Variants in AGBL1 observed in about 807,000 individuals in gnomAD.
The protein encoded by AGBL1 is cytosolic carboxypeptidase 4.
A neutral mutation model predicts 118.9 loss-of-function variants in AGBL1; 130 were observed. The ratio of observed to expected loss-of-function variants is 1.09; its 90% CI spans 0.95 to 1.26. AGBL1 has a LOEUF of 1.26. AGBL1 is among the 50% of genes most tolerant of loss of function. The pLI is 0.00. For synonymous variants in AGBL1, 555 were observed against 478.9 expected (o/e 1.16, Z -2.08); for missense variants, 1,584 against 1,298.1 (o/e 1.22, Z -3.38).
At chr15:86,482,339 T>C (rs11636761) in intron 18 of AGBL1, among the ~76,000 whole-genome samples, 70,610 of 152,046 alleles carry the variant, frequency 0.46, 16,990 homozygotes, top group Middle Eastern at 0.56. Context: ...TTATTGACTC[T>C]TGCCCAGAGC....
intron 23 of AGBL1, among the ~76,000 whole-genome samples, chr15:86,924,634 G>A (rs1261575346): frequency 2.0e-5 from 3 of 152,158 alleles, no homozygotes; most frequent in Non-Finnish European, 4.4e-5. Context: ...AGCAGAGAGG[G>A]AATTGTGGTG....
At chr15:86,674,907 A>T (rs966559599) in intron 22 of AGBL1, among the ~76,000 whole-genome samples, 1 of 152,172 alleles carries the variant, frequency 6.6e-6, no homozygotes. Context: ...CCACCTGAAG[A>T]TGATTAATAC....
chr15:86,797,033 G>T (rs2078582537), intron 22 of AGBL1, among the ~76,000 whole-genome samples: 1 of 152,150 alleles, frequency 6.6e-6, no homozygotes, highest in South Asian at 2.1e-4. Context: ...CAACTATCTG[G>T]CTGTGCACTC....
chr15:86,741,885 G>T (rs897169009), intron 22 of AGBL1, among the ~76,000 whole-genome samples: 14 of 151,846 alleles, frequency 9.2e-5, no homozygotes, highest in African/African-American at 3.4e-4. Flanking sequence ...GATAGTGTCT[G>T]GTATATGGTA....
At chr15:86,102,816 G>A (rs1896815942) in intron 1 of AGBL1, among the ~76,000 whole-genome samples, 2 of 152,116 alleles carry the variant, frequency 1.3e-5, no homozygotes, top group African/African-American at 2.4e-5. Flanking sequence ...TCTGTATCTG[G>A]ATGTCTAAAA....
chr15:86,754,291 C>G (rs2077900816), intron 22 of AGBL1, among the ~76,000 whole-genome samples: 1 of 152,070 alleles, frequency 6.6e-6, no homozygotes, highest in African/African-American at 2.4e-5. Flanking sequence ...ATATATCTTG[C>G]TTGCCCAGCT....
chr15:86,727,206 G>T (rs1381440397), intron 22 of AGBL1, among the ~76,000 whole-genome samples: 1 of 152,048 alleles, frequency 6.6e-6, no homozygotes, highest in Non-Finnish European at 1.5e-5. Flanking sequence ...ATGTATATCA[G>T]GAAGGTGTGA....
chr15:86,709,243 C>T (rs1184756449), intron 22 of AGBL1, among the ~76,000 whole-genome samples: 1 of 152,138 alleles, frequency 6.6e-6, no homozygotes, highest in African/African-American at 2.4e-5. Context: ...TCTATAGTGA[C>T]CTCCTACTTA....
intron 22 of AGBL1, among the ~76,000 whole-genome samples, chr15:86,722,427 A>G (rs1033220716): frequency 6.6e-6 from 1 of 152,200 alleles, no homozygotes; most frequent in Non-Finnish European, 1.5e-5. Flanking sequence ...TGTTTAATAA[A>G]TGGTGCTGGG....
chr15:86,901,669 C>T (rs1261686256), intron 22 of AGBL1, among the ~76,000 whole-genome samples: 4 of 152,068 alleles, frequency 2.6e-5, no homozygotes, highest in African/African-American at 9.7e-5. Flanking sequence ...CTTCTAGTTA[C>T]ATTTCAAACA....
Position 86,815,538 on chromosome 15 carries a change from C to T in AGBL1, c.3159-91549C>T, listed in dbSNP as rs1164265412. The stretch of plus-strand genomic sequence containing the variant: ...CTTAAGAAGTTGGTCAGGATCACCA[C>T]ATTGATGAAAACTGCACATTATCAG... On this transcript the variant is annotated intron_variant, in intron 22 of 22. Coordinates refer to ENST00000614907, the MANE Select transcript of AGBL1 (RefSeq NM_001386094.1). 6.6e-5 allele frequency among the ~76,000 whole-genome samples: 10 copies of T among 152,230 alleles called. No homozygotes were observed. In the East Asian group the frequency reaches 1.4e-3, roughly 21 times the overall value.
intron 22 of AGBL1, among the ~76,000 whole-genome samples, chr15:86,726,670 T>G (rs991756886): frequency 6.6e-6 from 1 of 152,136 alleles, no homozygotes; most frequent in Non-Finnish European, 1.5e-5. Flanking sequence ...CAAGCAATCC[T>G]TCTACCTCAG....
chr15:86,598,055 T>C (rs1376622078), intron 21 of AGBL1, among the ~76,000 whole-genome samples: 1 of 152,156 alleles, frequency 6.6e-6, no homozygotes, highest in Admixed American at 6.6e-5. Flanking sequence ...CTGGCTGTTG[T>C]CTGTAAATTT....
intron 22 of AGBL1, among the ~76,000 whole-genome samples, chr15:86,798,186 A>G (rs1230848820): frequency 1.3e-5 from 2 of 152,186 alleles, no homozygotes; most frequent in Non-Finnish European, 2.9e-5. Context: ...CAACAAAAAC[A>G]ACCGATTCCA....
chr15:86,846,763 C>T (rs1004256290), intron 22 of AGBL1, among the ~76,000 whole-genome samples: 3 of 152,198 alleles, frequency 2.0e-5, no homozygotes, highest in Non-Finnish European at 4.4e-5. Flanking sequence ...AACTCCTGAC[C>T]TCAAGTGATC....
At chr15:86,671,545 A>G (rs914291823) in intron 21 of AGBL1, among the ~76,000 whole-genome samples, 1 of 152,148 alleles carries the variant, frequency 6.6e-6, no homozygotes, top group African/African-American at 2.4e-5. Flanking sequence ...TAAACTTTCT[A>G]CTGTGAACCC....
intron 22 of AGBL1, among the ~76,000 whole-genome samples, chr15:86,675,378 A>C (rs946646279): frequency 3.3e-5 from 5 of 152,166 alleles, no homozygotes; most frequent in Non-Finnish European, 5.9e-5. Context: ...CTGAATGGCC[A>C]GTGAAACCTA....
chr15:86,223,742 T>C (rs1416392281), intron 5 of AGBL1, among the ~76,000 whole-genome samples: 1 of 152,246 alleles, frequency 6.6e-6, no homozygotes, highest in Non-Finnish European at 1.5e-5. Context: ...TTTGCTCTTG[T>C]GGAACTGCCT....
rs181887789 is a variant in AGBL1, at chr15:87,015,239, G to T, written c.3324-13586G>T. 8.2e-4 allele frequency among the ~76,000 whole-genome samples: 125 copies of T among 152,100 alleles called. 1 individual carries two copies. The highest frequency in any genetic ancestry group is 3.0e-3 in the African/African-American group (125 of 41,512). ...AGCTTCTTTAGTTCTCAGGCCTTTG[G>T]ACTTATTCTAAGCCCTGCTACTGGC... On this transcript the variant is annotated intron_variant, in intron 24 of 24. Transcript: ENST00000441037.
Sources: gnomAD v4.1 joint callset for allele counts (sites outside exome capture counted in the v4.1 genomes callset) on GRCh38, gnomAD v4.1.1 for gene constraint, MANE v1.5 for transcripts, NCBI Gene and HGNC (gene_info 2026-07-23, HGNC 2026-07-21) for gene names.